Variants in INPP4B observed in about 807,000 individuals in gnomAD.
The protein encoded by INPP4B is inositol polyphosphate 4-phosphatase type II.
A neutral mutation model predicts 122.5 loss-of-function variants in INPP4B; 55 were observed. The observed-to-expected ratio is 0.45, with a 90% CI of 0.36 to 0.56. The LOEUF (loss-of-function observed/expected upper bound fraction) is 0.56. Among genes scored for constraint, INPP4B ranks in the 20% least tolerant of loss-of-function variants. The pLI, the probability that INPP4B is intolerant of heterozygous loss-of-function variation, is 0.00. For missense variants in INPP4B, 1,000 were observed against 1,097.7 expected (o/e 0.91, Z 1.26); for synonymous variants, 403 against 388.7 (o/e 1.04, Z -0.43).
At chr4:142,664,445 A>C in intron 2 of INPP4B, among the ~76,000 whole-genome samples, 1 of 152,094 alleles carries the variant, frequency 6.6e-6, no homozygotes, top group East Asian at 1.9e-4. Flanking sequence ...GGCACTGCAT[A>C]ATATATAAAT....
At chr4:142,111,454 C>G (rs761166591) in intron 22 of INPP4B, among the ~76,000 whole-genome samples, 1 of 151,920 alleles carries the variant, frequency 6.6e-6, no homozygotes, top group Non-Finnish European at 1.5e-5. Flanking sequence ...TCAAGCGATT[C>G]TCCTGCTTCA....
intron 25 of INPP4B, among the ~76,000 whole-genome samples, chr4:142,080,842 C>A (rs180860860): frequency 1.3e-5 from 2 of 152,190 alleles, no homozygotes; most frequent in African/African-American, 4.8e-5. Context: ...CATTTCTGTT[C>A]TTTTTCTGCA....
At chr4:142,469,174 C>G (rs941511509) in intron 2 of INPP4B, among the ~76,000 whole-genome samples, 3 of 151,468 alleles carry the variant, frequency 2.0e-5, no homozygotes, top group African/African-American at 4.8e-5. Context: ...TAAAATAACT[C>G]AAAGTTCAAG....
intron 9 of INPP4B, among the ~76,000 whole-genome samples, chr4:142,296,238 T>C (rs2172023): frequency 0.76 from 115,692 of 152,056 alleles, 45,336 homozygotes; most frequent in East Asian, 0.93. Context: ...AAAGTGCTAA[T>C]TGGTTTCCAT....
At chr4:142,359,228 A>C (rs1482963576) in intron 7 of INPP4B, among the ~76,000 whole-genome samples, 2 of 151,506 alleles carry the variant, frequency 1.3e-5, no homozygotes, top group South Asian at 2.1e-4. Flanking sequence ...AAACAAACAA[A>C]AAAAAAAAAC....
intron 1 of INPP4B, among the ~76,000 whole-genome samples, chr4:142,803,158 T>A (rs1256716359): frequency 8.1e-6 from 1 of 123,740 alleles, no homozygotes; most frequent in East Asian, 2.2e-4. Flanking sequence ...GGCAACAGAG[T>A]GAGACTACGT....
At chr4:142,784,434 T>C (rs185024015) in intron 1 of INPP4B, among the ~76,000 whole-genome samples, 1 of 151,768 alleles carries the variant, frequency 6.6e-6, no homozygotes, top group East Asian at 1.9e-4. Flanking sequence ...GGACTTTTTT[T>C]ATACCAACCA....
At chr4:142,607,047 G>C (rs368802523) in intron 2 of INPP4B, among the ~76,000 whole-genome samples, 1 of 151,370 alleles carries the variant, frequency 6.6e-6, no homozygotes, top group East Asian at 1.9e-4. Flanking sequence ...ACTTATATTT[G>C]GTAATACTGT....
intron 2 of INPP4B, among the ~76,000 whole-genome samples, chr4:142,629,474 T>C (rs927059702): frequency 3.7e-4 from 56 of 151,958 alleles, no homozygotes; most frequent in Non-Finnish European, 2.9e-5. Flanking sequence ...CTAGATGAGA[T>C]GAAGGAAACC....
intron 2 of INPP4B, among the ~76,000 whole-genome samples, chr4:142,703,657 G>A (rs960873405): frequency 4.6e-5 from 7 of 152,252 alleles, no homozygotes; most frequent in Middle Eastern, 3.4e-3. Flanking sequence ...ATGTCTCATC[G>A]TTTCTGAAAG....
chr4:142,270,898 TAA>T, intron 9 of INPP4B, 124 bp from the exon 10 acceptor site: 2 of 666,620 alleles, frequency 3.0e-6, no homozygotes, highest in Non-Finnish European at 5.4e-6. Flanking sequence ...AACATCTGCA[TAA>T]AACACAGCAA....
intron 2 of INPP4B, among the ~76,000 whole-genome samples, chr4:142,490,213 T>C (rs1821708584): frequency 6.6e-6 from 1 of 151,920 alleles, no homozygotes; most frequent in Non-Finnish European, 1.5e-5. Flanking sequence ...GCCTCCTGAG[T>C]AGCTTGGACC....
intron 2 of INPP4B, among the ~76,000 whole-genome samples, chr4:142,693,535 G>T (rs570187413): frequency 1.2e-5 from 1 of 80,460 alleles, no homozygotes; most frequent in African/African-American, 5.0e-5. Context: ...AAAAAAAAAA[G>T]CCTGACATCT....
At chr4:142,636,026 G>C (rs1213978882) in intron 2 of INPP4B, among the ~76,000 whole-genome samples, 1 of 152,084 alleles carries the variant, frequency 6.6e-6, no homozygotes, top group Non-Finnish European at 1.5e-5. Flanking sequence ...GGATCCTGTT[G>C]AGATCACTGC....
chr4:142,790,712 G>T (rs929462877), intron 1 of INPP4B, among the ~76,000 whole-genome samples: 3 of 151,906 alleles, frequency 2.0e-5, no homozygotes, highest in Admixed American at 6.6e-5. Context: ...CTATTAAACT[G>T]CTTTATTTAA....
At chr4:142,160,269 T>C (rs184760628) in intron 17 of INPP4B, 89 bp downstream of exon 17, 18 of 992,990 alleles carry the variant, frequency 1.8e-5, no homozygotes, top group Non-Finnish European at 2.5e-5. Flanking sequence ...TTTTCCATTT[T>C]TTAAAATGGA....
At chr4:142,563,581 G>A (rs1174669555) in intron 2 of INPP4B, among the ~76,000 whole-genome samples, 1 of 152,170 alleles carries the variant, frequency 6.6e-6, no homozygotes, top group Non-Finnish European at 1.5e-5. Context: ...GAGCCATGGA[G>A]TTGATTGCAA....
At chr4:142,709,536 C>T (rs1396307993) in intron 2 of INPP4B, among the ~76,000 whole-genome samples, 4 of 152,138 alleles carry the variant, frequency 2.6e-5, no homozygotes, top group Non-Finnish European at 5.9e-5. Context: ...AGTGAGTTCT[C>T]ATGAGATCTG....
At chr4:142,842,248 T>G (rs1783582448) in intron 1 of INPP4B, among the ~76,000 whole-genome samples, 1 of 151,648 alleles carries the variant, frequency 6.6e-6, no homozygotes, top group Non-Finnish European at 1.5e-5. Context: ...AAGATAGAAT[T>G]TACTCAAAAT....
Sources: allele counts gnomAD v4.1 joint callset (sites outside exome capture counted in the v4.1 genomes callset), GRCh38; gene constraint gnomAD v4.1.1; transcripts MANE v1.5; gene names NCBI Gene and HGNC (gene_info 2026-07-23, HGNC 2026-07-21).